ARID5A: variants seen among roughly 807,000 people sequenced by gnomAD.
ARID5A encodes the protein AT-rich interactive domain-containing protein 5A.
In ARID5A, 14 loss-of-function variants were observed where a neutral mutation model predicts 30.5. That is an observed-to-expected ratio of 0.46 (90% confidence interval 0.30 to 0.72). The LOEUF (loss-of-function observed/expected upper bound fraction) is 0.72. Among genes scored for constraint, ARID5A ranks in the 30% least tolerant of loss-of-function variants. The probability of loss-of-function intolerance (pLI) is 0.07; values close to 1 mark genes in which losing one functional copy is unlikely to be tolerated. For missense variants in ARID5A, 669 were observed against 786.2 expected (o/e 0.85, Z 1.78); for synonymous variants, 338 against 340.4 (o/e 0.99, Z 0.08).
intron 1 of ARID5A, among the ~76,000 whole-genome samples, chr2:96,540,519 C>A (rs966593234): frequency 1.3e-5 from 2 of 152,174 alleles, no homozygotes; most frequent in African/African-American, 2.4e-5. Context: ...GTTTTTCTAA[C>A]ACCATTTTCT....
chr2:96,539,255 C>T lies in ARID5A; in HGVS notation c.4+2425C>T, dbSNP rs991272108. ...CCAGTGACCAACTTGGTAAGAGGTG[C>T]AGCCATGCAGTGCTGGAACCCCTTG... On this transcript the variant is annotated intron_variant, in intron 1 of 6. Coordinates refer to ENST00000357485, the MANE Select transcript of ARID5A (RefSeq NM_212481.3). This position sits in a 1 kb window ranked among gnomAD's most constrained non-coding sequence, Gnocchi z 4.7. Among the ~76,000 whole-genome samples the T allele has an allele frequency of 2.6e-5, 4 of 152,236 alleles. No individual in the cohort carries two copies. The highest frequency in any genetic ancestry group is 9.6e-5 in the African/African-American group (4 of 41,464).
At position 96,551,969 on chromosome 2, in the gene ARID5A, T is replaced by C; in HGVS notation, c.1441T>C (p.Ser481Pro). Reference sequence around the variant, plus strand: ...GAAGTGTGGGGCCAAACCTGCAGGGTCCGGCCTGGTCTCCTGCCTTCTGGG... The same window carrying C: ...GAAGTGTGGGGCCAAACCTGCAGGGCCCGGCCTGGTCTCCTGCCTTCTGGG... The part of the protein sequence containing the change: ...AKKCGAKPAG[S>P]GLVSCLLGPA... The change falls in exon 7 of 7, where the codon TCC becomes CCC. Residue 481 changes from serine to proline, a missense_variant. This residue lies in a region of ARID5A where 548 missense variants were observed against 577.4 expected (regional missense o/e 0.95). Transcript: ENST00000357485. The C allele has an allele frequency of 6.6e-7, 1 of 1,518,636 alleles. No homozygotes were observed. Among genetic ancestry groups the C allele is most frequent in the Non-Finnish European group, 8.8e-7 (1 of 1,134,390 alleles). 94.1% of individuals were successfully genotyped at this position (1,518,636 alleles called of 1,614,324 possible). A position where few individuals can be genotyped will look rare whatever the true frequency, so the allele number is the denominator to read the frequency against.
rs2066042121 is a variant in ARID5A, at chr2:96,551,466, C to T, written c.938C>T (p.Thr313Ile). ...ACTGAGAACTCCAGGCACCGGCTGA[C>T]CCCTCAGGAGGGATTGCAGGCCCCA... Reference protein sequence around the residue: ...GLTENSRHRLTPQEGLQAPGG... With the variant: ...GLTENSRHRLIPQEGLQAPGG... The change falls in exon 7 of 7, where the codon ACC (threonine) becomes ATC (isoleucine). Residue 313 changes from threonine to isoleucine, a missense_variant. Physicochemically the swap from Thr to Ile is moderately conservative, Grantham distance 89. Coordinates refer to ENST00000357485, the MANE Select transcript of ARID5A (RefSeq NM_212481.3). 6.3e-7 allele frequency: 1 copy of T among 1,589,376 alleles called. No homozygotes were observed. Among genetic ancestry groups the T allele is most frequent in the South Asian group, 1.1e-5 (1 of 88,682 alleles).
intron 1 of ARID5A, chr2:96,538,283 C>T (rs1413896258): frequency 2.0e-6 from 2 of 985,380 alleles, no homozygotes; most frequent in Non-Finnish European, 2.4e-6. Context: ...GGGACAGTCC[C>T]ATCCTGGAAC....
rs1044203122 is a variant in ARID5A at position 96,547,418 on chromosome 2, G to C, written c.21G>C (p.Gly7=). The C allele has an allele frequency of 2.5e-6, 4 of 1,613,696 alleles. No homozygotes were observed. The highest frequency in any genetic ancestry group is 2.7e-5 in the African/African-American group (2 of 74,838). Residue 7 remains glycine, a synonymous_variant, in exon 2 of 7, where the codon GGG becomes GGC. Transcript: ENST00000357485. ...TCCTTGCAGCAGCCCCTGTCAAAGG[G>C]AACAGGAAGCAGTCCACGGAGGGTG... The part of the protein sequence containing the change: MAAPVK[G]NRKQSTEGDA...
rs1573177581 is a variant in ARID5A at position 96,537,721 on chromosome 2, C to T, written c.4+891C>T. The T allele has an allele frequency of 1.1e-5, 4 of 349,160 alleles. No homozygotes were observed. Among genetic ancestry groups the T allele is most frequent in the Admixed American group, 1.3e-4 (2 of 15,482 alleles). 21.6% of individuals were successfully genotyped at this position (349,160 alleles called of 1,614,324 possible). A position where few individuals can be genotyped will look rare whatever the true frequency, so the allele number is the denominator to read the frequency against. On this transcript the variant is annotated intron_variant, in intron 1 of 6. Transcript: ENST00000357485. This position sits in a 1 kb window ranked among gnomAD's most constrained non-coding sequence, Gnocchi z 4.8. Reference sequence around the variant, plus strand: ...GGCGGGAGCTGCGGGCCAACCCGGGCCCGCGCTCCGTCCCTCCGCGGTGTC... The same window carrying T: ...GGCGGGAGCTGCGGGCCAACCCGGGTCCGCGCTCCGTCCCTCCGCGGTGTC...
rs1266015624 is a variant in ARID5A, at chr2:96,550,363, G to A, written c.410+78G>A. 2 of 1,424,516 alleles carry A rather than the reference G, an allele frequency of 1.4e-6. No individual in the cohort carries two copies. Among genetic ancestry groups the A allele is most frequent in the African/African-American group, 2.9e-5 (2 of 68,046 alleles). The allele number at this position is 1,424,516 out of a possible 1,614,324, so 88.2% of individuals were successfully genotyped here. On this transcript the variant is annotated intron_variant, in intron 5 of 6. Coordinates refer to ENST00000357485, the MANE Select transcript of ARID5A (RefSeq NM_212481.3). The surrounding 1 kb of genome is among the most constrained non-coding windows in gnomAD (Gnocchi z 6.6). The stretch of plus-strand genomic sequence containing the variant: ...GCCGACCTTGCCGGGAGGGCCGGGT[G>A]GACTCTGCCCGGAGCGGGCAGGGTA...
chr2:96,549,482 G>A lies in ARID5A; in HGVS notation c.259+23G>A, dbSNP rs1001030173. 1 of 1,607,444 alleles carries A rather than the reference G, an allele frequency of 6.2e-7. No individual in the cohort carries two copies. The highest frequency in any genetic ancestry group is 2.2e-5 in the East Asian group (1 of 44,708). On this transcript the variant is annotated intron_variant, in intron 3 of 6. Transcript: ENST00000357485. The surrounding 1 kb of genome is among the most constrained non-coding windows in gnomAD (Gnocchi z 6.1). ...AGAGTGCGTCCCTGGGGTGCAGGCA[G>A]GGAGGGGGGCCCAGCAGGGGACCCC...
chr2:96,551,674 G>A lies in ARID5A; in HGVS notation c.1146G>A (p.Val382=), dbSNP rs1357950827. 1 of 1,523,508 alleles carries A rather than the reference G, an allele frequency of 6.6e-7. No individual in the cohort carries two copies. Among genetic ancestry groups the A allele is most frequent in the South Asian group, 1.3e-5 (1 of 75,792 alleles). The allele number at this position is 1,523,508 out of a possible 1,614,324, so 94.4% of individuals were successfully genotyped here. ...LGPPGKEGLS[V]KEPQLVWGGD... ...CTCCTGGCAAAGAGGGGCTGTCAGT[G>A]AAAGAGCCCCAGCTGGTGTGGGGCG... is the stretch of plus-strand genomic sequence containing the variant. The change falls in exon 7 of 7, where the codon GTG becomes GTA. Residue 382 remains valine (V), a synonymous_variant. Transcript: ENST00000357485.
intron 2 of ARID5A, among the ~76,000 whole-genome samples, chr2:96,548,415 A>C (rs2065966689): frequency 6.6e-6 from 1 of 152,200 alleles, no homozygotes; most frequent in East Asian, 1.9e-4. Context: ...ACAGGCATGC[A>C]CTACCAGGCC....
intron 1 of ARID5A, chr2:96,538,088 C>A: frequency 1.0e-6 from 1 of 985,494 alleles, no homozygotes; most frequent in Non-Finnish European, 1.2e-6. Context: ...CTTAGGGACC[C>A]GCCTGGGGCC....
At chr2:96,545,312 A>C (rs1385244752) in intron 1 of ARID5A, among the ~76,000 whole-genome samples, 3 of 151,328 alleles carry the variant, frequency 2.0e-5, no homozygotes, top group African/African-American at 7.3e-5. Context: ...ACCTGCCACC[A>C]CACCCAGCTG....
At position 96,551,376 on chromosome 2, in the gene ARID5A, G is replaced by T; in HGVS notation, c.848G>T (p.Gly283Val). The T allele has an allele frequency of 3.7e-6, 6 of 1,611,984 alleles. No homozygotes were observed. Among genetic ancestry groups the T allele is most frequent in the Non-Finnish European group, 5.1e-6 (6 of 1,179,612 alleles). Residue 283 changes from glycine (G) to valine (V), a missense_variant, in exon 7 of 7, where the codon GGG (glycine) becomes GTG (valine). By Grantham distance (109) the Gly-to-Val change is moderately radical. Around this residue, in one of 4 missense-constraint regions of ARID5A, gnomAD observed 548 missense variants for 577.4 expected, o/e 0.95. Transcript: ENST00000357485. ...LQCQEEGCRHGAEPQASPAVH... is the reference protein window; with the variant it reads ...LQCQEEGCRHVAEPQASPAVH... ...TGCCAGGAGGAGGGCTGCCGCCATG[G>T]GGCAGAGCCCCAGGCGTCCCCAGCT...
chr2:96,545,447 C>T (rs914444791), intron 1 of ARID5A, among the ~76,000 whole-genome samples: 8 of 152,092 alleles, frequency 5.3e-5, no homozygotes, highest in East Asian at 1.9e-4. Flanking sequence ...TGAGCCACCG[C>T]GCCCATCCTA....
Position 96,552,193 on chromosome 2 carries a change from C to T in ARID5A, c.1665C>T (p.Pro555=). 2 of 1,613,570 alleles carry T rather than the reference C, an allele frequency of 1.2e-6. No homozygotes were observed. Among genetic ancestry groups the T allele is most frequent in the East Asian group, 2.2e-5 (1 of 44,890 alleles). The change falls in exon 7 of 7, where the codon CCC becomes CCT. Residue 555 remains proline (P), a synonymous_variant. Coordinates refer to ENST00000357485, the MANE Select transcript of ARID5A (RefSeq NM_212481.3). ...TGGCCGCTGGCCTGATGCACTTCCC[C>T]CCAACGTCCTTCGACAGTGCCCTCC... The part of the protein sequence containing the change: ...SPMAAGLMHF[P]PTSFDSALRH...
At chr2:96,544,275 A>G (rs780014154) in intron 1 of ARID5A, among the ~76,000 whole-genome samples, 2 of 152,258 alleles carry the variant, frequency 1.3e-5, no homozygotes, top group Admixed American at 6.5e-5. Context: ...AGGTGGCCAC[A>G]CTACCACAGA....
chr2:96,538,589 C>T (rs2065786620), intron 1 of ARID5A, among the ~76,000 whole-genome samples: 1 of 152,234 alleles, frequency 6.6e-6, no homozygotes, highest in South Asian at 2.1e-4. Flanking sequence ...GGCCCCCCTC[C>T]CCAAACTGCT....
chr2:96,551,544 T>C lies in ARID5A; in HGVS notation c.1016T>C (p.Ile339Thr). The C allele has an allele frequency of 1.2e-6, 2 of 1,607,134 alleles. No homozygotes were observed. Among genetic ancestry groups the C allele is most frequent in the Non-Finnish European group, 1.7e-6 (2 of 1,177,532 alleles). Reference protein sequence around the residue: ...AQAGPCPAAPIFKGCFYTHPT... With the variant: ...AQAGPCPAAPTFKGCFYTHPT... ...GCAGGCCCCTGCCCGGCAGCCCCCA[T>C]CTTCAAGGGCTGCTTCTACACCCAC... The change falls in exon 7 of 7, where the codon ATC becomes ACC. Residue 339 changes from isoleucine to threonine, a missense_variant. By Grantham distance (89) the Ile-to-Thr change is moderately conservative. Around this residue, in one of 4 missense-constraint regions of ARID5A, gnomAD observed 548 missense variants for 577.4 expected, o/e 0.95. Transcript: ENST00000357485.
chr2:96,540,160 G>C (rs1365513566), intron 1 of ARID5A, among the ~76,000 whole-genome samples: 1 of 152,186 alleles, frequency 6.6e-6, no homozygotes, highest in Non-Finnish European at 1.5e-5. Flanking sequence ...GATTTGAGTC[G>C]GTGGAGCATG....
Sources: allele counts gnomAD v4.1 joint callset (sites outside exome capture counted in the v4.1 genomes callset), GRCh38; gene constraint gnomAD v4.1.1; regional missense constraint gnomAD v4.1.1; non-coding constraint Gnocchi (gnomAD v3.1); transcripts MANE v1.5; gene names NCBI Gene and HGNC (gene_info 2026-07-23, HGNC 2026-07-21).